WNK2: variants seen among roughly 807,000 people sequenced by gnomAD.
The protein encoded by WNK2 is serine/threonine-protein kinase WNK2.
In WNK2, 67 loss-of-function variants were observed where a neutral mutation model predicts 192.1. The observed-to-expected ratio is 0.35, with a 90% CI of 0.29 to 0.43. The LOEUF (loss-of-function observed/expected upper bound fraction) is 0.43, where lower values mean the gene tolerates loss of function less well. Ranked by LOEUF, WNK2 falls within the 20% of genes least tolerant of loss-of-function variation. The pLI, the probability that WNK2 is intolerant of heterozygous loss-of-function variation, is 1.00. For synonymous variants in WNK2, 1,439 were observed against 1,393.9 expected (o/e 1.03, Z -0.72); for missense variants, 2,698 against 3,089.7 (o/e 0.87, Z 3.01).
intron 14 of WNK2, chr9:93,263,278 T>G: frequency 2.0e-6 from 1 of 509,752 alleles, no homozygotes; most frequent in Admixed American, 3.4e-5. Context: ...ATGGGGAAAC[T>G]GAGGCACAGG....
chr9:93,295,478 G>T (rs932175681), intron 23 of WNK2, among the ~76,000 whole-genome samples: 4 of 152,024 alleles, frequency 2.6e-5, no homozygotes, highest in East Asian at 1.9e-4. Flanking sequence ...TATGTGGCAG[G>T]TGTTGAAATT....
At chr9:93,221,641 T>C (rs767701959) in intron 2 of WNK2, among the ~76,000 whole-genome samples, 2 of 152,238 alleles carry the variant, frequency 1.3e-5, no homozygotes, top group Non-Finnish European at 2.9e-5. Context: ...TATGCACTGC[T>C]AATTTATGAT....
chr9:93,213,353 A>G (rs1480682012), intron 2 of WNK2, among the ~76,000 whole-genome samples: 1 of 152,200 alleles, frequency 6.6e-6, no homozygotes, highest in African/African-American at 2.4e-5. Flanking sequence ...ATTTTATCAC[A>G]TACTAATGTA....
At chr9:93,264,953 C>T (rs1844914033) in intron 16 of WNK2, among the ~76,000 whole-genome samples, 1 of 152,238 alleles carries the variant, frequency 6.6e-6, no homozygotes, top group Non-Finnish European at 1.5e-5. Flanking sequence ...GCTGCATCCC[C>T]CTGGCCACCC....
In WNK2 at chr9:93,292,849, C is replaced by T. The variant is rs774400166; in HGVS notation, c.5384C>T (p.Ser1795Phe). The change falls in exon 23 of 30, where the codon TCC becomes TTC. Residue 1795 changes from serine (S) to phenylalanine (F), a missense_variant. Transcript: ENST00000427277. ...KLAVRRAQTASSIEVGVGEPV... is the reference protein window; with the variant it reads ...KLAVRRAQTAFSIEVGVGEPV... Reference sequence around the variant, plus strand: ...GCAGTGCGGCGGGCGCAGACGGCCTCCTCCATCGAGGTCGGCGTGGGCGAG... The same window carrying T: ...GCAGTGCGGCGGGCGCAGACGGCCTTCTCCATCGAGGTCGGCGTGGGCGAG... 91 of 1,496,770 alleles carry T rather than the reference C, an allele frequency of 6.1e-5. No homozygotes were observed. Among genetic ancestry groups the T allele is most frequent in the Non-Finnish European group, 6.2e-5 (69 of 1,121,930 alleles). The allele number at this position is 1,496,770 out of a possible 1,614,324, so 92.7% of individuals were successfully genotyped here. A position where few individuals can be genotyped will look rare whatever the true frequency, so the allele number is the denominator to read the frequency against.
At chr9:93,277,935 C>G (rs1327487022) in intron 19 of WNK2, among the ~76,000 whole-genome samples, 2 of 152,056 alleles carry the variant, frequency 1.3e-5, no homozygotes. Flanking sequence ...GCAGAAACCA[C>G]CAACAATAAA....
chr9:93,289,248 C>T lies in WNK2; in HGVS notation c.4494C>T (p.Pro1498=). 1 of 1,604,332 alleles carries T rather than the reference C, an allele frequency of 6.2e-7. No individual in the cohort carries two copies. The highest frequency in any genetic ancestry group is 8.5e-7 in the Non-Finnish European group (1 of 1,177,614). The change falls in exon 20 of 30, where the codon CCC becomes CCT. Residue 1498 remains proline (P), a synonymous_variant. Transcript: ENST00000427277. The stretch of plus-strand genomic sequence containing the variant: ...AGCCCGCCTTGGGTCAACCTGCTCC[C>T]CTGCTTCCTGCCGCAGTGGGGGCCG... ...TPQPALGQPA[P]LLPAAVGAVS...
At chr9:93,303,430 G>A (rs574504108) in intron 26 of WNK2, among the ~76,000 whole-genome samples, 15 of 152,340 alleles carry the variant, frequency 9.8e-5, no homozygotes, top group African/African-American at 3.4e-4. Flanking sequence ...CACATTGGCT[G>A]TTGGCTGCAG....
chr9:93,211,055 C>G (rs1297247041), intron 2 of WNK2, among the ~76,000 whole-genome samples: 1 of 151,294 alleles, frequency 6.6e-6, no homozygotes, highest in Non-Finnish European at 1.5e-5. Context: ...TTCCCTCACT[C>G]ATACATTCAC....
In WNK2 at chr9:93,244,055, A is replaced by G. The variant is rs996601686; in HGVS notation, c.1543-3488A>G. Among the ~76,000 whole-genome samples, 5 of 152,252 alleles carry G rather than the reference A, an allele frequency of 3.3e-5. No individual in the cohort carries two copies. In the East Asian group the frequency reaches 9.6e-4, roughly 29 times the overall value. ...TTTGCTGTGAGCTGTATCCTGCTGC[A>G]TGATTTCCAGCCTGGGTGGCAGAGC... is the stretch of plus-strand genomic sequence containing the variant. On this transcript the variant is annotated intron_variant, in intron 7 of 29. Coordinates refer to ENST00000427277, the MANE Select transcript of WNK2 (RefSeq NM_006648.4).
At chr9:93,301,810 C>T (rs945377221) in intron 26 of WNK2, among the ~76,000 whole-genome samples, 2 of 152,228 alleles carry the variant, frequency 1.3e-5, no homozygotes, top group Non-Finnish European at 2.9e-5. Flanking sequence ...ACTTCCACCC[C>T]CATGCTGTGT....
At chr9:93,280,813 T>G (rs1847616350) in intron 19 of WNK2, among the ~76,000 whole-genome samples, 1 of 152,236 alleles carries the variant, frequency 6.6e-6, no homozygotes, top group African/African-American at 2.4e-5. Flanking sequence ...AACCTGTTTT[T>G]TCTCTAACAT....
Position 93,293,103 on chromosome 9 carries a change from A to G in WNK2, c.5638A>G (p.Ile1880Val), listed in dbSNP as rs755203351. The part of the protein sequence containing the change: ...VTSFHSQSSY[I>V]SSDNDSELED... ...CTCCTTCCATTCCCAGTCGTCCTAC[A>G]TCAGCAGCGACAATGATTCGGAGCT... Residue 1880 changes from isoleucine (I) to valine (V), a missense_variant, in exon 23 of 30, where the codon ATC (isoleucine) becomes GTC (valine). Around this residue, in one of 7 missense-constraint regions of WNK2, gnomAD observed 1,098 missense variants for 1,101.0 expected, o/e 1.00. Coordinates refer to ENST00000427277, the MANE Select transcript of WNK2 (RefSeq NM_006648.4). 4 of 1,597,814 alleles carry G rather than the reference A, an allele frequency of 2.5e-6. No homozygotes were observed. The South Asian group carries it at 3.4e-5, about 13-fold the overall frequency.
chr9:93,251,814 C>T (rs1287926750), intron 8 of WNK2, among the ~76,000 whole-genome samples: 1 of 152,186 alleles, frequency 6.6e-6, no homozygotes, highest in Admixed American at 6.5e-5. Context: ...CCTCTCCCCT[C>T]TCTTCTCTAA....
chr9:93,268,699 C>T lies in WNK2; in HGVS notation c.3986C>T (p.Ser1329Phe). 1 of 1,613,552 alleles carries T rather than the reference C, an allele frequency of 6.2e-7. No homozygotes were observed. ...CACCCCGCCCCCGAGGCCCCTGAAT[C>T]TTCGCCCCCACTTCCTCTAAGCTCC... is the stretch of plus-strand genomic sequence containing the variant. ...AEHPAPEAPESSPPLPLSSLP... is the reference protein window; with the variant it reads ...AEHPAPEAPEFSPPLPLSSLP... The change falls in exon 19 of 30, where the codon TCT becomes TTT. Residue 1329 changes from serine (S) to phenylalanine (F), a missense_variant. Around this residue, in one of 7 missense-constraint regions of WNK2, gnomAD observed 1,098 missense variants for 1,101.0 expected, o/e 1.00. Transcript: ENST00000427277.
chr9:93,231,242 T>C (rs1032315603), intron 4 of WNK2, 134 bp downstream of exon 4: 1 of 875,324 alleles, frequency 1.1e-6, no homozygotes, highest in Non-Finnish European at 1.8e-6. Context: ...CACGGGAGCC[T>C]CGGGCCAGGG....
At chr9:93,212,785 G>A (rs148037459) in intron 2 of WNK2, among the ~76,000 whole-genome samples, 2,537 of 152,300 alleles carry the variant, frequency 0.017, 60 homozygotes, top group African/African-American at 0.058. Context: ...GCAGATGTTT[G>A]TTTAAAAGAG....
At chr9:93,219,646 A>G (rs1836449847) in intron 2 of WNK2, among the ~76,000 whole-genome samples, 1 of 152,256 alleles carries the variant, frequency 6.6e-6, no homozygotes, top group Non-Finnish European at 1.5e-5. Context: ...CATCTGGGAC[A>G]CGCAGTGCTG....
In WNK2 at chr9:93,292,356, A is replaced by G. The variant is rs781418490; in HGVS notation, c.4985A>G (p.Gln1662Arg). ...CTAGGCTATGACAGAGATGGAAGGC[A>G]GGTGGCCTCAGACTCCCATGTGGTC... ...SMLGYDRDGR[Q>R]VASDSHVVPS... The change falls in exon 22 of 30, where the codon CAG (glutamine) becomes CGG (arginine). Residue 1662 changes from glutamine (Q) to arginine (R), a missense_variant. Transcript: ENST00000427277. The G allele has an allele frequency of 1.2e-6, 2 of 1,613,974 alleles. No homozygotes were observed. The highest frequency in any genetic ancestry group is 2.2e-5 in the East Asian group (1 of 44,874).
Sources: gnomAD v4.1 joint callset for allele counts (sites outside exome capture counted in the v4.1 genomes callset) on GRCh38, gnomAD v4.1.1 for gene constraint, gnomAD v4.1.1 regional missense constraint, MANE v1.5 for transcripts, NCBI Gene and HGNC (gene_info 2026-07-23, HGNC 2026-07-21) for gene names.